CFAP92: variants seen among roughly 807,000 people sequenced by gnomAD.
The protein encoded by CFAP92 is uncharacterized protein CFAP92.
In CFAP92, 86 loss-of-function variants were observed where a neutral mutation model predicts 106.3. That is an observed-to-expected ratio of 0.81 (90% CI 0.68 to 0.97). The LOEUF (loss-of-function observed/expected upper bound fraction) is 0.97, where lower values mean the gene tolerates loss of function less well. Ranked by LOEUF, CFAP92 falls within the 50% of genes least tolerant of loss-of-function variation. The pLI, the probability that CFAP92 is intolerant of heterozygous loss-of-function variation, is 0.00. For missense variants in CFAP92, 1,204 were observed against 1,283.8 expected (o/e 0.94, Z 0.95); for synonymous variants, 477 against 506.4 (o/e 0.94, Z 0.78).
At chr3:128,920,397 C>T (rs1176886685) in intron 12 of CFAP92, among the ~76,000 whole-genome samples, 1 of 151,474 alleles carries the variant, frequency 6.6e-6, no homozygotes, top group Non-Finnish European at 1.5e-5. Context: ...GAGCAAGACT[C>T]CATCTCAAGA....
chr3:128,924,360 C>T (rs1027112340), intron 12 of CFAP92, among the ~76,000 whole-genome samples: 2 of 147,304 alleles, frequency 1.4e-5, no homozygotes, highest in African/African-American at 2.5e-5. Flanking sequence ...AAACCCCTTG[C>T]GGCCTCTGGA....
intron 10 of CFAP92, among the ~76,000 whole-genome samples, chr3:128,936,163 T>C (rs985566902): frequency 2.6e-5 from 4 of 152,226 alleles, no homozygotes; most frequent in African/African-American, 9.6e-5. Flanking sequence ...CAGCCTGCTG[T>C]CATTGCCCTG....
At chr3:128,912,634 G>A (rs756131819) in intron 15 of CFAP92, 13 of 1,582,938 alleles carry the variant, frequency 8.2e-6, no homozygotes, top group African/African-American at 4.0e-5. Context: ...CCCTGCTACC[G>A]CCCGCCCCTA....
chr3:128,915,884 A>C, intron 13 of CFAP92: 1 of 440,500 alleles, frequency 2.3e-6, no homozygotes, highest in Non-Finnish European at 3.9e-6. Flanking sequence ...CTTTATGTAC[A>C]TCTGAGCTTA....
At chr3:128,973,153 A>G (rs989570974) in intron 7 of CFAP92, among the ~76,000 whole-genome samples, 1 of 152,264 alleles carries the variant, frequency 6.6e-6, no homozygotes, top group African/African-American at 2.4e-5. Flanking sequence ...ACAATTATCC[A>G]GATGTAAACA....
At chr3:128,910,386 C>A in intron 15 of CFAP92, 53 bp from the exon 16 acceptor site, 1 of 1,443,734 alleles carries the variant, frequency 6.9e-7, no homozygotes. Flanking sequence ...TGCCCCTACC[C>A]CCAGCAAGGG....
At chr3:128,974,848 G>A (rs529537281) in intron 7 of CFAP92, among the ~76,000 whole-genome samples, 40 of 150,108 alleles carry the variant, frequency 2.7e-4, no homozygotes, top group Non-Finnish European at 4.0e-4. Flanking sequence ...AAGGCCAGGC[G>A]TGGTGGCTCA....
chr3:128,975,885 TG>T lies in CFAP92; in HGVS notation c.914del (p.Thr305AsnfsTer11), dbSNP rs753578017. The T allele has an allele frequency of 1.2e-6, 2 of 1,608,880 alleles. No individual in the cohort carries two copies. Among genetic ancestry groups the T allele is most frequent in the Non-Finnish European group, 1.7e-6 (2 of 1,178,098 alleles). ...TTGCTCCTGCCAAAGAAATGGTTGG[TG>T]TTCTTGAAACACTCCATCTAGAAAA... ...SSTIQWSVSR[T>X]PTISLAGASM... On this transcript the variant is annotated frameshift_variant, in exon 7 of 16. Coordinates refer to ENST00000645291, the MANE Select transcript of CFAP92 (RefSeq NM_001394090.1). LOFTEE classifies it high-confidence loss of function.
chr3:128,978,686 C>A (rs1269167928), intron 4 of CFAP92, among the ~76,000 whole-genome samples: 1 of 152,086 alleles, frequency 6.6e-6, no homozygotes, highest in African/African-American at 2.4e-5. Context: ...ACAAACCTGA[C>A]AAAAACAAGA....
At chr3:128,996,257 T>G (rs1944476345), upstream of CFAP92, among the ~76,000 whole-genome samples, 3 of 152,208 alleles carry the variant, frequency 2.0e-5, no homozygotes, top group African/African-American at 4.8e-5. Flanking sequence ...CCACCCTGGC[T>G]GACATTGAGG....
At chr3:129,002,325 G>A (rs1480213586) in intron 1 of CFAP92, 2 of 1,514,594 alleles carry the variant, frequency 1.3e-6, no homozygotes, top group South Asian at 1.2e-5. Flanking sequence ...AGCACTGCAG[G>A]TGCGCGCCGG....
At chr3:128,972,399 G>A (rs537005713) in intron 7 of CFAP92, among the ~76,000 whole-genome samples, 3 of 151,822 alleles carry the variant, frequency 2.0e-5, no homozygotes, top group South Asian at 4.2e-4. Context: ...GTGCTACCAC[G>A]CCCAGCTAAT....
intron 13 of CFAP92, 75 bp downstream of exon 13, chr3:128,916,032 C>T (rs1936787959): frequency 9.2e-7 from 1 of 1,092,474 alleles, no homozygotes; most frequent in African/African-American, 1.6e-5. Context: ...CCCCCACTGA[C>T]CTCCAGGCAG....
chr3:128,974,533 A>G (rs1444024341), intron 7 of CFAP92, among the ~76,000 whole-genome samples: 1 of 152,192 alleles, frequency 6.6e-6, no homozygotes, highest in Non-Finnish European at 1.5e-5. Flanking sequence ...ATAAGAGTGA[A>G]CACTAGGCCA....
rs559209403 is a variant in CFAP92 at position 128,961,237 on chromosome 3, G to A, written c.1353+4274C>T. ...AACGGTCTGAGGTGCCTGACGTCCC[G>A]GCATTCTTTTACACATCAGTCCCTT... On this transcript the variant is annotated intron_variant, in intron 9 of 15. Coordinates refer to ENST00000645291, the MANE Select transcript of CFAP92 (RefSeq NM_001394090.1). Among the ~76,000 whole-genome samples, 7 of 152,172 alleles carry A rather than the reference G, an allele frequency of 4.6e-5. No individual in the cohort carries two copies. In the East Asian group the frequency reaches 5.8e-4, roughly 13 times the overall value.
At position 128,909,947 on chromosome 3, in the gene CFAP92, T is replaced by G. The variant is rs1936079890; in HGVS notation, c.*352A>C. ...CACAGGAGACTAAGACAGGCAAAGATGCAGCCCAGGGAGGGACCATGTGGG... is the reference window on the plus strand; with the variant it reads ...CACAGGAGACTAAGACAGGCAAAGAGGCAGCCCAGGGAGGGACCATGTGGG... On this transcript the variant is annotated 3_prime_UTR_variant, in exon 16 of 16. Transcript: ENST00000645291. 1.3e-6 allele frequency: 2 copies of G among 1,588,232 alleles called. No homozygotes were observed. Among genetic ancestry groups the G allele is most frequent in the Non-Finnish European group, 1.7e-6 (2 of 1,167,204 alleles).
chr3:128,959,671 G>A (rs893995920), intron 9 of CFAP92, among the ~76,000 whole-genome samples: 6 of 152,344 alleles, frequency 3.9e-5, no homozygotes, highest in African/African-American at 1.4e-4. Context: ...GAAGCCTGGG[G>A]GCTCCTGAAG....
intron 9 of CFAP92, among the ~76,000 whole-genome samples, chr3:128,951,928 C>G (rs146308500): frequency 3.3e-4 from 50 of 152,206 alleles, no homozygotes; most frequent in African/African-American, 1.2e-3. Flanking sequence ...AGCCTCCCAT[C>G]ATGTATCAGT....
chr3:128,926,189 C>T (rs1201595379), intron 12 of CFAP92, among the ~76,000 whole-genome samples: 1 of 152,190 alleles, frequency 6.6e-6, no homozygotes, highest in Non-Finnish European at 1.5e-5. Context: ...AGGTGCTCAA[C>T]ATTATTGAGA....
Sources: gnomAD v4.1 joint callset for allele counts (sites outside exome capture counted in the v4.1 genomes callset) on GRCh38, gnomAD v4.1.1 for gene constraint, MANE v1.5 for transcripts, NCBI Gene and HGNC (gene_info 2026-07-23, HGNC 2026-07-21) for gene names.